The following ASIC2 variants were observed in gnomAD, a reference collection of about 807,000 sequenced individuals.
The protein encoded by ASIC2 is acid-sensing ion channel 2.
ASIC2 carries 25 observed loss-of-function variants against 57.3 expected under a neutral mutation model. The observed-to-expected ratio is 0.44, with a 90% CI of 0.32 to 0.61. The LOEUF (loss-of-function observed/expected upper bound fraction) is 0.61, where lower values mean the gene tolerates loss of function less well. Ranked by LOEUF, ASIC2 falls within the 20% of genes least tolerant of loss-of-function variation. The pLI is 0.06. For missense variants in ASIC2, 641 were observed against 738.1 expected, an observed-to-expected ratio of 0.87 and a Z score of 1.52; for synonymous variants, 319 against 307.5, an observed-to-expected ratio of 1.04 and a Z score of -0.39.
intron 1 of ASIC2, among the ~76,000 whole-genome samples, chr17:33,633,305 G>GGACACCTGCTTCTCTGGGCAGCCCT (rs1415384038): frequency 6.6e-6 from 1 of 152,234 alleles, no homozygotes; most frequent in Non-Finnish European, 1.5e-5. Flanking sequence ...ACAAGGACCA[G>GGACACCTGCTTCTCTGGGCAGCCCT]GACACCTGCT....
intron 1 of ASIC2, chr17:33,984,295 T>C (rs1209063668): frequency 6.6e-6 from 1 of 152,218 alleles, no homozygotes; most frequent in Non-Finnish European, 1.5e-5. Context: ...AACAAAGCTG[T>C]GGGGCTTGTT....
chr17:33,520,428 G>A (rs1016674034), intron 1 of ASIC2, among the ~76,000 whole-genome samples: 1 of 152,186 alleles, frequency 6.6e-6, no homozygotes, highest in African/African-American at 2.4e-5. Context: ...TGGTCCAGTG[G>A]TTAACTGGGA....
intron 1 of ASIC2, among the ~76,000 whole-genome samples, chr17:33,355,245 A>G (rs907170887): frequency 6.6e-6 from 1 of 152,176 alleles, no homozygotes; most frequent in Non-Finnish European, 1.5e-5. Context: ...AGGCAGGACA[A>G]TCACTTGAAC....
chr17:33,075,420 T>C (rs12451593), intron 3 of ASIC2, among the ~76,000 whole-genome samples: 15,878 of 152,150 alleles, frequency 0.1, 924 homozygotes, highest in African/African-American at 0.16. Flanking sequence ...TGCTTGTCCT[T>C]CTCCTCACTG....
chr17:33,314,918 G>A (rs1906581585), intron 1 of ASIC2, among the ~76,000 whole-genome samples: 1 of 152,146 alleles, frequency 6.6e-6, no homozygotes, highest in Non-Finnish European at 1.5e-5. Context: ...GGGAGGTAGG[G>A]AGGCTGCATG....
chr17:33,932,735 AAAAAAAAT>A (rs1346434362), intron 1 of ASIC2: 25 of 99,006 alleles, frequency 2.5e-4, no homozygotes, highest in Non-Finnish European at 3.9e-4. Context: ...AAAAAAAAAA[AAAAAAAAT>A]ATATATATAT....
chr17:33,172,151 C>T (rs2142049694), intron 1 of ASIC2, among the ~76,000 whole-genome samples: 1 of 152,312 alleles, frequency 6.6e-6, no homozygotes, highest in Non-Finnish European at 1.5e-5. Context: ...TAGTATAGTA[C>T]TTGCTGCATG....
At chr17:33,410,693 G>A (rs756305367) in intron 1 of ASIC2, among the ~76,000 whole-genome samples, 4 of 152,250 alleles carry the variant, frequency 2.6e-5, no homozygotes, top group South Asian at 2.1e-4. Context: ...TCTTGTATTC[G>A]TCAAGGCCCT....
chr17:33,215,619 C>T (rs1433453919), intron 1 of ASIC2, among the ~76,000 whole-genome samples: 2 of 151,804 alleles, frequency 1.3e-5, no homozygotes, highest in African/African-American at 4.8e-5. Flanking sequence ...GAAATTAAAC[C>T]AGTATATTAG....
At chr17:33,584,163 C>T (rs552842133) in intron 1 of ASIC2, among the ~76,000 whole-genome samples, 2 of 152,252 alleles carry the variant, frequency 1.3e-5, no homozygotes, top group African/African-American at 2.4e-5. Flanking sequence ...AATAAAACCC[C>T]CTCTACATCT....
intron 1 of ASIC2, among the ~76,000 whole-genome samples, chr17:33,821,430 C>T (rs1475303011): frequency 6.6e-6 from 1 of 152,104 alleles, no homozygotes. Context: ...CTTTAATACA[C>T]TTGAGGCTTG....
At chr17:33,168,424 A>G (rs1905386997) in intron 1 of ASIC2, among the ~76,000 whole-genome samples, 1 of 152,228 alleles carries the variant, frequency 6.6e-6, no homozygotes, top group African/African-American at 2.4e-5. Context: ...AGGCCCCAGA[A>G]GAGAGGAGCT....
At chr17:33,452,111 A>G (rs1912272378) in intron 1 of ASIC2, among the ~76,000 whole-genome samples, 1 of 152,240 alleles carries the variant, frequency 6.6e-6, no homozygotes, top group Admixed American at 6.5e-5. Context: ...CATGTAAATT[A>G]AAAGCAAAAA....
intron 1 of ASIC2, among the ~76,000 whole-genome samples, chr17:33,966,106 C>T (rs1905066066): frequency 2.0e-5 from 3 of 152,196 alleles, no homozygotes; most frequent in Admixed American, 2.0e-4. Context: ...TAGCAAATTA[C>T]CCACAATGAA....
At chr17:33,426,271 T>C (rs1911217026) in intron 1 of ASIC2, among the ~76,000 whole-genome samples, 2 of 152,204 alleles carry the variant, frequency 1.3e-5, no homozygotes, top group African/African-American at 4.8e-5. Flanking sequence ...ATGGACAGGC[T>C]GCCTGGCAGC....
intron 1 of ASIC2, among the ~76,000 whole-genome samples, chr17:33,459,292 G>A (rs1026316765): frequency 1.3e-5 from 2 of 152,098 alleles, no homozygotes; most frequent in Admixed American, 6.5e-5. Flanking sequence ...TTGTCAGGCT[G>A]TGTGGTTGCC....
chr17:33,417,291 T>C (rs1910879304), intron 1 of ASIC2, among the ~76,000 whole-genome samples: 1 of 152,140 alleles, frequency 6.6e-6, no homozygotes, highest in African/African-American at 2.4e-5. Flanking sequence ...CTTAAAACCC[T>C]GCCAGAACAC....
At chr17:33,919,520 G>A (rs1180474635) in intron 1 of ASIC2, among the ~76,000 whole-genome samples, 1 of 152,062 alleles carries the variant, frequency 6.6e-6, no homozygotes, top group Non-Finnish European at 1.5e-5. Context: ...ATTAACTCAA[G>A]ATGGATTAAA....
At chr17:33,496,056 G>T (rs1007572065) in intron 1 of ASIC2, among the ~76,000 whole-genome samples, 1 of 152,144 alleles carries the variant, frequency 6.6e-6, no homozygotes, top group African/African-American at 2.4e-5. Flanking sequence ...ACAAGCATTG[G>T]CCAAGTTTTG....
Sources: allele counts gnomAD v4.1 joint callset (sites outside exome capture counted in the v4.1 genomes callset), GRCh38; gene constraint gnomAD v4.1.1; transcripts MANE v1.5; gene names NCBI Gene and HGNC (gene_info 2026-07-23, HGNC 2026-07-21).